The following ITGA2 variants were observed in gnomAD, a reference collection of about 807,000 sequenced individuals.
ITGA2 encodes the protein integrin alpha-2.
A neutral mutation model predicts 146.3 loss-of-function variants in ITGA2; 101 were observed. The observed-to-expected ratio is 0.69, with a 90% confidence interval of 0.59 to 0.81. ITGA2 has a LOEUF of 0.81. Ranked by LOEUF, ITGA2 falls within the 40% of genes least tolerant of loss-of-function variation. The pLI is 0.00. For missense variants in ITGA2, 1,281 were observed against 1,402.7 expected, an observed-to-expected ratio of 0.91 and a Z score of 1.39; for synonymous variants, 477 against 487.1, an observed-to-expected ratio of 0.98 and a Z score of 0.27.
chr5:53,028,889 A>G (rs939478362), intron 2 of ITGA2, among the ~76,000 whole-genome samples: 2 of 152,170 alleles, frequency 1.3e-5, no homozygotes, highest in African/African-American at 4.8e-5. Context: ...TCTTACAGGC[A>G]CTGCTGCAGC....
At chr5:53,050,095 T>G (rs1020402817) in intron 6 of ITGA2, among the ~76,000 whole-genome samples, 1 of 152,186 alleles carries the variant, frequency 6.6e-6, no homozygotes, top group Non-Finnish European at 1.5e-5. Context: ...TTAAAGCCCC[T>G]TATAAGTTTT....
chr5:53,069,162 G>T (rs893628600), intron 16 of ITGA2, among the ~76,000 whole-genome samples: 1 of 151,664 alleles, frequency 6.6e-6, no homozygotes, highest in Non-Finnish European at 1.5e-5. Flanking sequence ...CCCAAATAAG[G>T]CAATAAGGCA....
intron 1 of ITGA2, among the ~76,000 whole-genome samples, chr5:53,012,160 TTGA>T (rs1001209321): frequency 2.0e-5 from 3 of 152,174 alleles, no homozygotes; most frequent in Non-Finnish European, 4.4e-5. Context: ...TTAAATTTCA[TTGA>T]TGATTAACAC....
intron 2 of ITGA2, among the ~76,000 whole-genome samples, chr5:53,035,540 T>TA (rs1743447169): frequency 1.3e-5 from 2 of 152,338 alleles, no homozygotes; most frequent in Admixed American, 1.3e-4. Flanking sequence ...GCCTAAATAC[T>TA]AAAATTGCCT....
intron 10 of ITGA2, among the ~76,000 whole-genome samples, chr5:53,059,323 G>A (rs1579867889): frequency 6.6e-6 from 1 of 151,892 alleles, no homozygotes; most frequent in Non-Finnish European, 1.5e-5. Flanking sequence ...ATGGAATATA[G>A]GAATATACTG....
chr5:53,031,326 T>C (rs980470640), intron 2 of ITGA2, among the ~76,000 whole-genome samples: 5 of 152,234 alleles, frequency 3.3e-5, no homozygotes, highest in African/African-American at 1.2e-4. Context: ...AACTTTGTTT[T>C]CTTTATTCCC....
intron 27 of ITGA2, among the ~76,000 whole-genome samples, chr5:53,085,559 G>A (rs1237271380): frequency 6.6e-6 from 1 of 152,032 alleles, no homozygotes; most frequent in African/African-American, 2.4e-5. Context: ...TACTCTTAAT[G>A]TTTCCCCCAA....
chr5:53,063,697 T>G (rs975827236), intron 13 of ITGA2, among the ~76,000 whole-genome samples: 5 of 151,920 alleles, frequency 3.3e-5, no homozygotes, highest in African/African-American at 1.2e-4. Flanking sequence ...ACCACCTGAT[T>G]TATTGATATT....
At chr5:53,074,722 A>C (rs1745579418) in intron 21 of ITGA2, among the ~76,000 whole-genome samples, 1 of 152,012 alleles carries the variant, frequency 6.6e-6, no homozygotes. Flanking sequence ...AAATATGTTG[A>C]GCAACATTGG....
At chr5:53,076,746 A>T (rs940910830) in intron 23 of ITGA2, among the ~76,000 whole-genome samples, 1 of 152,094 alleles carries the variant, frequency 6.6e-6, no homozygotes, top group Non-Finnish European at 1.5e-5. Context: ...TACTTTTACT[A>T]ATTATCATCT....
In ITGA2 at chr5:53,074,602, G is replaced by C. The variant is rs2303125; in HGVS notation, c.2664+125G>C. ...ACAAAATAACTAGCTGCATACTTAG[G>C]GGAAGTTTTCAATATCTAAATGTTT... On this transcript the variant is annotated intron_variant, in intron 21 of 29. Transcript: ENST00000296585. 69,110 of 768,304 alleles carry C rather than the reference G, an allele frequency of 0.09. 3,676 individuals carry two copies. The highest frequency in any genetic ancestry group is 0.19 in the African/African-American group (10,783 of 58,198). The allele number at this position is 768,304 out of a possible 1,614,324, so 47.6% of individuals were successfully genotyped here.
chr5:53,019,442 G>A (rs1742560166), intron 1 of ITGA2, among the ~76,000 whole-genome samples: 1 of 152,154 alleles, frequency 6.6e-6, no homozygotes, highest in South Asian at 2.1e-4. Context: ...CAGGCTGTCT[G>A]AGGCCCCTGC....
chr5:53,089,370 G>T lies in ITGA2; in HGVS notation c.3349-576G>T, dbSNP rs1237395197. ...AGCCATTCCATTACAGCATCTCAAA[G>T]ATTGCCAGGAAGCAGATACAAAGAA... is the stretch of plus-strand genomic sequence containing the variant. On this transcript the variant is annotated intron_variant, in intron 28 of 29. Coordinates refer to ENST00000296585, the MANE Select transcript of ITGA2 (RefSeq NM_002203.4). 10 of 153,270 alleles carry T rather than the reference G, an allele frequency of 6.5e-5. 1 individual carries two copies. Among genetic ancestry groups the T allele is most frequent in the Admixed American group, 1.9e-4 (3 of 15,424 alleles). The allele number at this position is 153,270 out of a possible 1,614,324, so 9.5% of individuals were successfully genotyped here.
chr5:53,007,662 C>T (rs1741925406), intron 1 of ITGA2, among the ~76,000 whole-genome samples: 1 of 152,194 alleles, frequency 6.6e-6, no homozygotes. Flanking sequence ...CTCTCAGCCA[C>T]TGAGAGACGG....
At chr5:52,996,212 A>G (rs1438129374) in intron 1 of ITGA2, among the ~76,000 whole-genome samples, 3 of 152,170 alleles carry the variant, frequency 2.0e-5, no homozygotes, top group South Asian at 2.1e-4. Flanking sequence ...AAAAATTATT[A>G]TAAGGAGATT....
At chr5:53,057,003 A>G (rs3212527) in intron 9 of ITGA2, among the ~76,000 whole-genome samples, 72,338 of 151,728 alleles carry the variant, frequency 0.48, 17,286 homozygotes, top group Middle Eastern at 0.52. Context: ...TTGATTATCC[A>G]TTGGAATTAC....
At chr5:53,081,819 T>C (rs1470959170) in intron 26 of ITGA2, 123 bp downstream of exon 26, 2 of 677,848 alleles carry the variant, frequency 3.0e-6, no homozygotes, top group East Asian at 5.5e-5. Flanking sequence ...GATGCTTATA[T>C]GAGTCAAGAT....
chr5:53,046,108 T>G (rs1372045358), intron 4 of ITGA2, among the ~76,000 whole-genome samples: 4 of 145,384 alleles, frequency 2.8e-5, no homozygotes, highest in African/African-American at 7.7e-5. Context: ...GGAGAATCAC[T>G]GGGACCCAGG....
At chr5:53,065,705 A>C (rs1226926256) in intron 14 of ITGA2, 136 bp from the exon 15 acceptor site, 2 of 1,139,336 alleles carry the variant, frequency 1.8e-6, no homozygotes, top group Non-Finnish European at 2.5e-6. Flanking sequence ...TTAAAAAATG[A>C]ATCTTTAGAA....
Sources: allele counts gnomAD v4.1 joint callset (sites outside exome capture counted in the v4.1 genomes callset), GRCh38; gene constraint gnomAD v4.1.1; transcripts MANE v1.5; gene names NCBI Gene and HGNC (gene_info 2026-07-23, HGNC 2026-07-21).